Variants in SV2C observed in about 807,000 individuals in gnomAD.
The protein encoded by SV2C is synaptic vesicle glycoprotein 2C.
A neutral mutation model predicts 79.7 loss-of-function variants in SV2C; 49 were observed. That is an observed-to-expected ratio of 0.61 (90% CI 0.49 to 0.78). SV2C has a LOEUF of 0.78. Among genes scored for constraint, SV2C ranks in the 30% least tolerant of loss-of-function variants. SV2C has a pLI of 0.00. For missense variants in SV2C, 833 were observed against 912.9 expected (o/e 0.91, Z 1.13); for synonymous variants, 334 against 333.2 (o/e 1.00, Z -0.03).
the SV2C span, among the ~76,000 whole-genome samples, chr5:75,887,781 C>T: frequency 6.6e-6 from 1 of 152,056 alleles, no homozygotes; most frequent in African/African-American, 2.4e-5. Flanking sequence ...CCCCCAAAAA[C>T]CAAGCAACAG....
the SV2C span, chr5:75,911,096 A>T: frequency 5.1e-4 from 737 of 1,440,678 alleles, 3 homozygotes; most frequent in Middle Eastern, 1.6e-3. Context: ...CCGGGGGAAG[A>T]TAATTCTGAG....
At chr5:76,181,102 C>CT (rs1020330019) in intron 2 of SV2C, among the ~76,000 whole-genome samples, 2 of 151,920 alleles carry the variant, frequency 1.3e-5, no homozygotes, top group African/African-American at 4.8e-5. Flanking sequence ...CAGCCATCCC[C>CT]CTACCTGTTC....
upstream of SV2C, among the ~76,000 whole-genome samples, chr5:76,078,444 G>A (rs940576845): frequency 1.3e-5 from 2 of 152,226 alleles, no homozygotes; most frequent in Non-Finnish European, 2.9e-5. Flanking sequence ...TGAGCCTTAT[G>A]AGTATTAGAA....
chr5:76,222,907 G>T (rs1017360079), intron 4 of SV2C, among the ~76,000 whole-genome samples: 1 of 152,126 alleles, frequency 6.6e-6, no homozygotes, highest in African/African-American at 2.4e-5. Flanking sequence ...CACAGATAAT[G>T]GAAGATTAGA....
the SV2C span, among the ~76,000 whole-genome samples, chr5:76,048,967 G>GAAAGAAAGAA: frequency 1.8e-5 from 1 of 54,286 alleles, no homozygotes; most frequent in African/African-American, 6.9e-5. Context: ...AAGAAAAAGA[G>GAAAGAAAGAA]AAAGAAAGAA....
chr5:76,199,594 C>G (rs1370953650), intron 3 of SV2C, among the ~76,000 whole-genome samples: 1 of 152,208 alleles, frequency 6.6e-6, no homozygotes, highest in Non-Finnish European at 1.5e-5. Context: ...TTCCAAAGGG[C>G]TGGGACTGTC....
chr5:76,183,048 T>C (rs1743800128), intron 2 of SV2C, among the ~76,000 whole-genome samples: 1 of 147,336 alleles, frequency 6.8e-6, no homozygotes, highest in Non-Finnish European at 1.5e-5. Context: ...TTTTTTTTTT[T>C]TTTTTGAGAC....
intron 4 of SV2C, among the ~76,000 whole-genome samples, chr5:76,273,170 T>TATATATATATATATAC (rs144534109): frequency 1.6e-4 from 19 of 122,004 alleles, no homozygotes; most frequent in African/African-American, 5.6e-4. Flanking sequence ...TATATATATA[T>TATATATATATATATAC]ACACACATAT....
At chr5:76,139,901 C>T (rs1476385491) in intron 2 of SV2C, among the ~76,000 whole-genome samples, 4 of 55,418 alleles carry the variant, frequency 7.2e-5, no homozygotes, top group East Asian at 2.7e-4. Flanking sequence ...CTCACTCTGT[C>T]GCCCAGGCCG....
intron 3 of SV2C, among the ~76,000 whole-genome samples, chr5:76,201,613 T>C (rs1744443890): frequency 6.6e-6 from 1 of 152,250 alleles, no homozygotes; most frequent in Non-Finnish European, 1.5e-5. Context: ...GTAGAAATCA[T>C]CACCATTAAC....
chr5:76,048,835 C>G, the SV2C span, among the ~76,000 whole-genome samples: 3 of 97,670 alleles, frequency 3.1e-5, no homozygotes, highest in Admixed American at 2.7e-4. Context: ...AATTTTGGGG[C>G]TGTTTAGGTG....
the SV2C span, among the ~76,000 whole-genome samples, chr5:75,886,479 A>T: frequency 6.6e-6 from 1 of 152,096 alleles, no homozygotes; most frequent in African/African-American, 2.4e-5. Context: ...GAGCAGAAAG[A>T]TTCTTCCAGA....
intron 3 of SV2C, 118 bp downstream of exon 3, chr5:76,195,217 T>G: frequency 9.3e-7 from 1 of 1,071,390 alleles, no homozygotes; most frequent in Non-Finnish European, 1.4e-6. Flanking sequence ...TATCCTCATG[T>G]CAGCCCTGGA....
At chr5:76,187,326 A>C (rs909847666) in intron 2 of SV2C, among the ~76,000 whole-genome samples, 1 of 152,220 alleles carries the variant, frequency 6.6e-6, no homozygotes, top group African/African-American at 2.4e-5. Context: ...AAACTGTCTT[A>C]GGCCCGCATG....
intron 1 of SV2C, among the ~76,000 whole-genome samples, chr5:76,130,304 C>T (rs891201168): frequency 1.3e-5 from 2 of 152,120 alleles, no homozygotes; most frequent in African/African-American, 4.8e-5. Context: ...GAACCATACT[C>T]CTGTTTTGCC....
intron 10 of SV2C, among the ~76,000 whole-genome samples, chr5:76,299,913 T>C (rs1747922157): frequency 6.6e-6 from 1 of 152,174 alleles, no homozygotes; most frequent in Non-Finnish European, 1.5e-5. Context: ...AGATTAGCAA[T>C]GAATGCTGGT....
At chr5:76,170,130 C>T (rs1279647624) in intron 2 of SV2C, among the ~76,000 whole-genome samples, 1 of 151,134 alleles carries the variant, frequency 6.6e-6, no homozygotes, top group Non-Finnish European at 1.5e-5. Flanking sequence ...TTTTAGTTTA[C>T]ATTTGGCCAC....
intron 3 of SV2C, among the ~76,000 whole-genome samples, chr5:76,196,769 T>G (rs541491690): frequency 1.5e-4 from 23 of 152,272 alleles, no homozygotes; most frequent in Middle Eastern, 6.8e-3. Flanking sequence ...TGAAGCAATA[T>G]CCAAAGACCC....
At chr5:76,201,831 AC>A (rs1300106785) in intron 3 of SV2C, among the ~76,000 whole-genome samples, 1 of 152,170 alleles carries the variant, frequency 6.6e-6, no homozygotes, top group African/African-American at 2.4e-5. Flanking sequence ...ATCCTGGCTA[AC>A]ATGGTGAAAC....
Sources: allele counts gnomAD v4.1 joint callset (sites outside exome capture counted in the v4.1 genomes callset), GRCh38; gene constraint gnomAD v4.1.1; transcripts MANE v1.5; gene names NCBI Gene and HGNC (gene_info 2026-07-23, HGNC 2026-07-21).